DGKB: variants seen among roughly 807,000 people sequenced by gnomAD.
DGKB encodes diacylglycerol kinase beta.
A neutral mutation model predicts 114.3 loss-of-function variants in DGKB; 67 were observed. The observed-to-expected ratio is 0.59, with a 90% confidence interval of 0.48 to 0.72. The LOEUF (loss-of-function observed/expected upper bound fraction) is 0.72, where lower values mean the gene tolerates loss of function less well. Among genes scored for constraint, DGKB ranks in the 30% least tolerant of loss-of-function variants. The pLI is 0.00. For missense variants in DGKB, 907 were observed against 975.2 expected (o/e 0.93, Z 0.93); for synonymous variants, 398 against 323.1 (o/e 1.23, Z -2.49).
chr7:14,953,823 C>T (rs1292817997), intron 1 of DGKB, among the ~76,000 whole-genome samples: 1 of 152,062 alleles, frequency 6.6e-6, no homozygotes, highest in Non-Finnish European at 1.5e-5. Context: ...AAAATCCTCC[C>T]CCAGTTGACT....
chr7:14,211,289 A>ATGTTTTGTGATTTTACTCTCGTGTTT (rs1562626908), intron 23 of DGKB, among the ~76,000 whole-genome samples: 1 of 107,050 alleles, frequency 9.3e-6, no homozygotes, highest in African/African-American at 5.9e-5. Flanking sequence ...AGCCTCTACT[A>ATGTTTTGTGATTTTACTCTCGTGTTT]TGTGATATTT....
chr7:14,289,449 T>C (rs1801390279), intron 23 of DGKB, among the ~76,000 whole-genome samples: 1 of 152,196 alleles, frequency 6.6e-6, no homozygotes, highest in Admixed American at 6.5e-5. Flanking sequence ...TACATTCATG[T>C]TATACACTAC....
chr7:14,925,168 C>T (rs978853185), intron 1 of DGKB, among the ~76,000 whole-genome samples: 32 of 152,116 alleles, frequency 2.1e-4, no homozygotes, highest in Admixed American at 5.2e-4. Context: ...TTCAACTATT[C>T]GTCCACTGAA....
chr7:14,361,274 T>G (rs1815686481), intron 21 of DGKB, among the ~76,000 whole-genome samples: 1 of 152,070 alleles, frequency 6.6e-6, no homozygotes, highest in Admixed American at 6.6e-5. Context: ...CTCCTTTTTC[T>G]AATGCTATGG....
intron 21 of DGKB, among the ~76,000 whole-genome samples, chr7:14,351,664 T>C (rs1255173462): frequency 1.3e-5 from 2 of 152,174 alleles, no homozygotes; most frequent in African/African-American, 2.4e-5. Context: ...AAGTATGTAA[T>C]AGTGGCATGA....
At chr7:14,384,524 G>C (rs1820011983) in intron 21 of DGKB, among the ~76,000 whole-genome samples, 1 of 152,142 alleles carries the variant, frequency 6.6e-6, no homozygotes, top group Non-Finnish European at 1.5e-5. Context: ...CCTGGCATAG[G>C]CAAAGCAAAA....
intron 23 of DGKB, among the ~76,000 whole-genome samples, chr7:14,187,615 T>A (rs1264796459): frequency 6.6e-6 from 1 of 152,166 alleles, no homozygotes; most frequent in Non-Finnish European, 1.5e-5. Context: ...GGATTACAGC[T>A]GAAGAAACTG....
chr7:14,444,931 T>C (rs1830533754), intron 21 of DGKB, among the ~76,000 whole-genome samples: 1 of 151,874 alleles, frequency 6.6e-6, no homozygotes, highest in African/African-American at 2.4e-5. Flanking sequence ...TTTCTGTTAA[T>C]TCCTTGCAGT....
intron 23 of DGKB, among the ~76,000 whole-genome samples, chr7:14,246,055 T>C (rs575428363): frequency 6.6e-5 from 10 of 152,338 alleles, no homozygotes; most frequent in African/African-American, 2.2e-4. Flanking sequence ...GGCATTCTGG[T>C]TACAAATTAG....
chr7:14,714,752 CTGCCA>C (rs1827922196), intron 6 of DGKB, among the ~76,000 whole-genome samples: 1 of 152,172 alleles, frequency 6.6e-6, no homozygotes, highest in African/African-American at 2.4e-5. Context: ...CACTAAGTCT[CTGCCA>C]CTCAGTATAG....
chr7:14,196,985 A>G (rs187769245), intron 23 of DGKB, among the ~76,000 whole-genome samples: 76 of 152,252 alleles, frequency 5.0e-4, no homozygotes, highest in African/African-American at 1.6e-3. Flanking sequence ...TAGTGTGAAA[A>G]GTAGAAATGG....
At chr7:14,768,065 A>G (rs1231647054) in intron 2 of DGKB, among the ~76,000 whole-genome samples, 1 of 152,016 alleles carries the variant, frequency 6.6e-6, no homozygotes, top group African/African-American at 2.4e-5. Context: ...GAGAAACCAA[A>G]GTCTATTTAT....
At chr7:14,309,902 G>C (rs979121586) in intron 23 of DGKB, among the ~76,000 whole-genome samples, 1 of 152,150 alleles carries the variant, frequency 6.6e-6, no homozygotes, top group Non-Finnish European at 1.5e-5. Flanking sequence ...TCTGACAAAG[G>C]GTGAAAGAAT....
At chr7:14,727,345 T>G (rs1356777453) in intron 5 of DGKB, among the ~76,000 whole-genome samples, 1 of 152,184 alleles carries the variant, frequency 6.6e-6, no homozygotes, top group African/African-American at 2.4e-5. Flanking sequence ...CATCCCTTAC[T>G]GGCAGTAATT....
chr7:14,351,458 G>C (rs1284459655), intron 21 of DGKB, among the ~76,000 whole-genome samples: 1 of 152,208 alleles, frequency 6.6e-6, no homozygotes, highest in Non-Finnish European at 1.5e-5. Flanking sequence ...CAGAGGGAAA[G>C]GGAGGATACA....
At chr7:14,420,870 C>T (rs1826556385) in intron 21 of DGKB, among the ~76,000 whole-genome samples, 1 of 151,976 alleles carries the variant, frequency 6.6e-6, no homozygotes, top group East Asian at 1.9e-4. Context: ...ATGCTGACGT[C>T]CTAGAACTGG....
At chr7:14,454,400 G>C (rs942653907) in intron 21 of DGKB, among the ~76,000 whole-genome samples, 1 of 151,944 alleles carries the variant, frequency 6.6e-6, no homozygotes, top group African/African-American at 2.4e-5. Flanking sequence ...CACATTTTAA[G>C]GCAATTATTT....
chr7:14,191,872 T>C, intron 23 of DGKB: 1 of 515,670 alleles, frequency 1.9e-6, no homozygotes, highest in Non-Finnish European at 3.8e-6. Context: ...TTCACATTGC[T>C]TGCCAGTTTG....
In DGKB at chr7:14,718,668, C is replaced by A. The variant is rs747179730; in HGVS notation, c.340G>T (p.Gly114Cys). The change falls in exon 6 of 26, where the codon GGT becomes TGT. Residue 114 changes from glycine (G) to cysteine (C), a missense_variant. This residue lies in a region of DGKB where 814 missense variants were observed against 856.6 expected (regional missense o/e 0.95). Transcript: ENST00000402815. ...LLSGGLRMNK[G>C]AITPPRTTSP... ...GTAGTCCGGGGAGGGGTGATGGCAC[C>A]TTTATTCATTCTCAGACCTGGAAAA... is the stretch of plus-strand genomic sequence containing the variant. 3.1e-6 allele frequency: 5 copies of A among 1,607,968 alleles called. No individual in the cohort carries two copies. Among genetic ancestry groups the A allele is most frequent in the African/African-American group, 1.3e-5 (1 of 74,696 alleles).
Sources: gnomAD v4.1 joint callset for allele counts (sites outside exome capture counted in the v4.1 genomes callset) on GRCh38, gnomAD v4.1.1 for gene constraint, gnomAD v4.1.1 regional missense constraint, MANE v1.5 for transcripts, NCBI Gene and HGNC (gene_info 2026-07-23, HGNC 2026-07-21) for gene names.